Variants in TTLL11 observed in about 807,000 individuals in gnomAD.
The protein encoded by TTLL11 is tubulin tyrosine ligase like 11.
TTLL11 carries 42 observed loss-of-function variants against 51.7 expected under a neutral mutation model. That is an observed-to-expected ratio of 0.81 (90% CI 0.64 to 1.05). TTLL11 has a LOEUF of 1.05. TTLL11 is among the 50% of genes least tolerant of loss of function. The pLI is 0.00. For synonymous variants in TTLL11, 381 were observed against 383.5 expected (o/e 0.99, Z 0.08); for missense variants, 799 against 940.4 (o/e 0.85, Z 1.97).
chr9:121,825,762 C>T (rs1454647837), intron 8 of TTLL11, among the ~76,000 whole-genome samples: 1 of 151,608 alleles, frequency 6.6e-6, no homozygotes, highest in Non-Finnish European at 1.5e-5. Context: ...CTTTACTCAA[C>T]AAATGTCAGT....
chr9:121,939,041 G>A (rs544042575), intron 6 of TTLL11, among the ~76,000 whole-genome samples: 101 of 152,296 alleles, frequency 6.6e-4, no homozygotes, highest in African/African-American at 2.4e-3. Context: ...GGTGTTGACC[G>A]CAGAGGAACT....
chr9:122,055,236 G>GATAGATAGAT (rs1201266401), intron 1 of TTLL11, among the ~76,000 whole-genome samples: 2 of 145,086 alleles, frequency 1.4e-5, no homozygotes, highest in Non-Finnish European at 3.2e-5. Context: ...TAGATAGATA[G>GATAGATAGAT]ATAGATAAAG....
intron 3 of TTLL11, among the ~76,000 whole-genome samples, chr9:122,006,708 C>T (rs1016125139): frequency 6.6e-6 from 1 of 151,986 alleles, no homozygotes; most frequent in Admixed American, 6.6e-5. Flanking sequence ...TTTCTGGCCA[C>T]ATGTGGTGGC....
chr9:122,093,283 T>C lies in TTLL11; in HGVS notation c.-135A>G. On this transcript the variant is annotated 5_prime_UTR_variant, in exon 1 of 9. Coordinates refer to ENST00000321582, the MANE Select transcript of TTLL11 (RefSeq NM_001139442.2). ...CGCCCGAGCCCGTTGCCATGATCGC[T>C]CAGGCTCGGGTTGACAGCGGCAGTC... 1 of 1,563,520 alleles carries C rather than the reference T, an allele frequency of 6.4e-7. No individual in the cohort carries two copies. The highest frequency in any genetic ancestry group is 1.1e-5 in the South Asian group (1 of 87,314).
intron 6 of TTLL11, among the ~76,000 whole-genome samples, chr9:121,893,244 A>T (rs1388131718): frequency 2.6e-5 from 4 of 152,210 alleles, no homozygotes; most frequent in African/African-American, 9.7e-5. Flanking sequence ...AGGGAAAAAA[A>T]TCACAGTTTA....
intron 8 of TTLL11, among the ~76,000 whole-genome samples, chr9:121,826,561 A>ATATATATATATATATGTGTG (rs1564260658): frequency 7.7e-5 from 8 of 103,634 alleles, no homozygotes; most frequent in African/African-American, 3.1e-4. Context: ...GTGTGTGTAT[A>ATATATATATATATATGTGTG]TATATATATA....
At chr9:121,897,543 G>T (rs141643669) in intron 6 of TTLL11, among the ~76,000 whole-genome samples, 15 of 151,674 alleles carry the variant, frequency 9.9e-5, no homozygotes, top group African/African-American at 3.6e-4. Context: ...AGCCCACTCT[G>T]CAAGTCCCTG....
intron 8 of TTLL11, among the ~76,000 whole-genome samples, chr9:121,826,504 T>C (rs1357777111): frequency 3.3e-5 from 2 of 60,862 alleles, no homozygotes; most frequent in Non-Finnish European, 5.7e-5. Context: ...TGTGTGTGTA[T>C]ATATATATAT....
chr9:121,882,165 C>T (rs1838821834), intron 6 of TTLL11, among the ~76,000 whole-genome samples: 1 of 152,214 alleles, frequency 6.6e-6, no homozygotes, highest in Admixed American at 6.5e-5. Flanking sequence ...CTCAAAGTCA[C>T]GTGCCTCCTA....
intron 4 of TTLL11, among the ~76,000 whole-genome samples, chr9:121,982,611 C>T (rs891117855): frequency 6.7e-6 from 1 of 148,942 alleles, no homozygotes; most frequent in African/African-American, 2.5e-5. Context: ...AATCCAGCTA[C>T]TTGGGAGGCT....
rs562079437 is a variant in TTLL11, at chr9:121,940,345, T to C, written c.1481+33664A>G. On this transcript the variant is annotated intron_variant, in intron 6 of 8. Coordinates refer to ENST00000321582, the MANE Select transcript of TTLL11 (RefSeq NM_001139442.2). ...ATCTGTGATCTATAACTTTCTCTCTTTTTTTTTTTTGAGATGGAATCTCGC... is the reference window on the plus strand; with the variant it reads ...ATCTGTGATCTATAACTTTCTCTCTCTTTTTTTTTTGAGATGGAATCTCGC... Among the ~76,000 whole-genome samples the C allele has an allele frequency of 1.2e-3, 185 of 149,508 alleles. 1 individual carries two copies. The highest frequency in any genetic ancestry group is 3.6e-3 in the African/African-American group (147 of 41,032).
At chr9:121,948,506 G>A (rs1841747212) in intron 6 of TTLL11, among the ~76,000 whole-genome samples, 1 of 152,174 alleles carries the variant, frequency 6.6e-6, no homozygotes, top group South Asian at 2.1e-4. Context: ...GTCACTTGAT[G>A]ATGGTGATTA....
intron 6 of TTLL11, among the ~76,000 whole-genome samples, chr9:121,955,037 T>C (rs958869575): frequency 2.0e-5 from 3 of 152,282 alleles, no homozygotes; most frequent in African/African-American, 7.2e-5. Context: ...TCCCAGCCAG[T>C]TCTCCTATGT....
intron 6 of TTLL11, among the ~76,000 whole-genome samples, chr9:121,895,671 TTATG>T (rs1293349665): frequency 1.4e-5 from 2 of 140,704 alleles, no homozygotes; most frequent in Non-Finnish European, 3.1e-5. Context: ...TTGTGTGTGT[TTATG>T]TGTGTCTGTG....
chr9:121,904,859 GTGAA>G (rs1368643628), intron 6 of TTLL11, among the ~76,000 whole-genome samples: 2 of 152,142 alleles, frequency 1.3e-5, no homozygotes, highest in Non-Finnish European at 2.9e-5. Context: ...GGGTCCAGCC[GTGAA>G]TAACCTGAGC....
rs111357485 is a variant in TTLL11 at position 121,967,278 on chromosome 9, G to T, written c.1481+6731C>A. On this transcript the variant is annotated intron_variant, in intron 6 of 8. Transcript: ENST00000321582. ...CTTGCTCTGTCGCCCAGGCTGGAGT[G>T]CAGTGGCTCCATCTTGGCTCATTGC... Among the ~76,000 whole-genome samples, 1,118 of 139,534 alleles carry T rather than the reference G, an allele frequency of 8.0e-3. 4 individuals are homozygous for T. The highest frequency in any genetic ancestry group is 0.013 in the Non-Finnish European group (891 of 66,352). 91.5% of individuals were successfully genotyped at this position (139,534 alleles called of 152,430 possible).
chr9:122,057,322 CTTTTTTTTT>C (rs58226814), intron 1 of TTLL11, among the ~76,000 whole-genome samples: 4 of 128,174 alleles, frequency 3.1e-5, no homozygotes, highest in African/African-American at 1.2e-4. Context: ...AGCTCAAATC[CTTTTTTTTT>C]TTTTTTTTTT....
At chr9:122,038,167 G>T (rs1282981387) in intron 2 of TTLL11, among the ~76,000 whole-genome samples, 1 of 152,002 alleles carries the variant, frequency 6.6e-6, no homozygotes, top group Non-Finnish European at 1.5e-5. Context: ...TGAGATATGG[G>T]ATTCAGGGTG....
intron 8 of TTLL11, among the ~76,000 whole-genome samples, chr9:121,823,819 G>T (rs752768871): frequency 2.4e-4 from 37 of 152,204 alleles, no homozygotes; most frequent in Non-Finnish European, 3.7e-4. Flanking sequence ...TCATCCCTAC[G>T]ACACCCCTGG....
Sources: gnomAD v4.1 joint callset for allele counts (sites outside exome capture counted in the v4.1 genomes callset) on GRCh38, gnomAD v4.1.1 for gene constraint, MANE v1.5 for transcripts, NCBI Gene and HGNC (gene_info 2026-07-23, HGNC 2026-07-21) for gene names.